The following MIB1 variants were observed in gnomAD, a reference collection of about 807,000 sequenced individuals.
MIB1 encodes MIB E3 ubiquitin protein ligase 1.
A neutral mutation model predicts 124.5 loss-of-function variants in MIB1; 278 were observed. The observed-to-expected ratio is 2.23, with a 90% CI of 2.02 to 2.47. The LOEUF is 2.47. MIB1 is among the 30% of genes most tolerant of loss of function. The probability of loss-of-function intolerance (pLI) is 0.00; values close to 1 mark genes in which losing one functional copy is unlikely to be tolerated. For missense variants in MIB1, 957 were observed against 1,254.4 expected (o/e 0.76, Z 3.58); for synonymous variants, 446 against 429.4 (o/e 1.04, Z -0.48).
chr18:21,834,227 T>C (rs1474295473), intron 12 of MIB1, among the ~76,000 whole-genome samples: 2 of 152,192 alleles, frequency 1.3e-5, no homozygotes, highest in Non-Finnish European at 2.9e-5. Context: ...GACCAGAAAC[T>C]GTTTTGCTTA....
chr18:21,790,807 A>T (rs1318707731), intron 6 of MIB1, among the ~76,000 whole-genome samples: 1 of 152,270 alleles, frequency 6.6e-6, no homozygotes, highest in African/African-American at 2.4e-5. Flanking sequence ...ACAGTTTTGA[A>T]AACATGCAGG....
At position 21,791,811 on chromosome 18, in the gene MIB1, A is replaced by C. The variant is rs147938931; in HGVS notation, c.1092+254A>C. Reference sequence around the variant, plus strand: ...TTATTGGAGAATGTTGTGTGGTGCAAGTCAGCAGTGGTTTTTCTGATACTT... The same window carrying C: ...TTATTGGAGAATGTTGTGTGGTGCACGTCAGCAGTGGTTTTTCTGATACTT... On this transcript the variant is annotated intron_variant, in intron 7 of 20. Coordinates refer to ENST00000261537, the MANE Select transcript of MIB1 (RefSeq NM_020774.4). Among the ~76,000 whole-genome samples the C allele has an allele frequency of 5.0e-3, 767 of 152,218 alleles. 7 individuals are homozygous for C. Among genetic ancestry groups the C allele is most frequent in the African/African-American group, 0.017 (716 of 41,522 alleles).
chr18:21,795,077 A>G (rs1321471929), intron 7 of MIB1, among the ~76,000 whole-genome samples: 2 of 151,692 alleles, frequency 1.3e-5, no homozygotes, highest in Non-Finnish European at 1.5e-5. Context: ...ATGTTCTAAC[A>G]ATGTAAATTT....
chr18:21,828,535 A>C (rs2041947968), intron 12 of MIB1: 1 of 152,044 alleles, frequency 6.6e-6, no homozygotes, highest in Admixed American at 6.6e-5. Context: ...AATGAGAAGA[A>C]ATAGCTTATT....
At chr18:21,807,158 C>T (rs997450488) in intron 10 of MIB1, among the ~76,000 whole-genome samples, 1 of 152,122 alleles carries the variant, frequency 6.6e-6, no homozygotes, top group Non-Finnish European at 1.5e-5. Context: ...CGGCCAAATG[C>T]ACTGATTCAC....
At chr18:21,707,241 A>G (rs1394287227) in intron 1 of MIB1, among the ~76,000 whole-genome samples, 5 of 152,172 alleles carry the variant, frequency 3.3e-5, no homozygotes, top group African/African-American at 9.7e-5. Flanking sequence ...TGCACCAATC[A>G]GTGCTCTGTG....
At chr18:21,746,392 T>TA (rs1252682337) in intron 1 of MIB1, among the ~76,000 whole-genome samples, 1 of 152,206 alleles carries the variant, frequency 6.6e-6, no homozygotes, top group Admixed American at 6.5e-5. Context: ...CTAGGATAGT[T>TA]AAACTTTGCA....
intron 7 of MIB1, among the ~76,000 whole-genome samples, chr18:21,791,839 C>A (rs2041508061): frequency 1.3e-5 from 2 of 152,050 alleles, no homozygotes; most frequent in Non-Finnish European, 2.9e-5. Flanking sequence ...TGATACTTAA[C>A]CCCAGAATGA....
At chr18:21,825,611 A>G in intron 12 of MIB1, 1 of 471,906 alleles carries the variant, frequency 2.1e-6, no homozygotes, top group Admixed American at 2.4e-5. Context: ...TTTGATTATA[A>G]TCACAGTCTG....
intron 10 of MIB1, among the ~76,000 whole-genome samples, chr18:21,804,655 CTTATT>C (rs1177123072): frequency 6.6e-6 from 1 of 152,082 alleles, no homozygotes; most frequent in Non-Finnish European, 1.5e-5. Flanking sequence ...TTGAATCACA[CTTATT>C]TTAGTATAGT....
At chr18:21,843,925 A>G (rs1372871274) in intron 14 of MIB1, among the ~76,000 whole-genome samples, 167 bp from the exon 15 acceptor site, 3 of 152,196 alleles carry the variant, frequency 2.0e-5, no homozygotes, top group African/African-American at 7.2e-5. Context: ...GACTCTTTGT[A>G]AGGAGCCACA....
chr18:21,730,045 C>G (rs1237461282), intron 1 of MIB1, among the ~76,000 whole-genome samples: 2 of 152,208 alleles, frequency 1.3e-5, no homozygotes, highest in Non-Finnish European at 2.9e-5. Flanking sequence ...GGATCAAGAA[C>G]TAGCCATCTA....
At position 21,772,930 on chromosome 18, in the gene MIB1, A is replaced by G. The variant is rs1475298113; in HGVS notation, c.532-694A>G. ...TATCTTGAATCATTTTGGGTATTTTACAGAGATTTTAAATTTCATATTGAG... is the reference window on the plus strand; with the variant it reads ...TATCTTGAATCATTTTGGGTATTTTGCAGAGATTTTAAATTTCATATTGAG... On this transcript the variant is annotated intron_variant, in intron 3 of 20. Transcript: ENST00000261537. Among the ~76,000 whole-genome samples, 3 of 152,190 alleles carry G rather than the reference A, an allele frequency of 2.0e-5. No individual in the cohort carries two copies. In the East Asian group the frequency reaches 5.8e-4, roughly 29 times the overall value.
At chr18:21,750,472 C>T (rs1406198375) in intron 1 of MIB1, among the ~76,000 whole-genome samples, 4 of 152,242 alleles carry the variant, frequency 2.6e-5, no homozygotes, top group Non-Finnish European at 5.9e-5. Context: ...GGATTACAGG[C>T]GCATGCCACC....
At position 21,768,746 on chromosome 18, in the gene MIB1, G is replaced by A. The variant is rs779373832; in HGVS notation, c.525G>A (p.Arg175=). 3 of 1,610,096 alleles carry A rather than the reference G, an allele frequency of 1.9e-6. No homozygotes were observed. The South Asian group carries it at 3.3e-5, about 18-fold the overall frequency. The change falls in exon 3 of 21, where the codon AGG becomes AGA. Residue 175 remains arginine, a synonymous_variant. Coordinates refer to ENST00000261537, the MANE Select transcript of MIB1 (RefSeq NM_020774.4). The part of the protein sequence containing the change: ...WEDQDGGNGR[R]GKVTEIQDWS... ...ATCAAGATGGAGGAAATGGACGTAGGGGAAAGGTACAGTGTTTCTCTGAAT... is the reference window on the plus strand; with the variant it reads ...ATCAAGATGGAGGAAATGGACGTAGAGGAAAGGTACAGTGTTTCTCTGAAT...
At chr18:21,795,293 A>T (rs1048660935) in intron 7 of MIB1, among the ~76,000 whole-genome samples, 3 of 132,754 alleles carry the variant, frequency 2.3e-5, no homozygotes, top group African/African-American at 1.0e-4. Context: ...ATATGTATAT[A>T]TATAATATAT....
chr18:21,834,046 C>T (rs186341890), intron 12 of MIB1, among the ~76,000 whole-genome samples: 10 of 152,246 alleles, frequency 6.6e-5, no homozygotes, highest in South Asian at 4.1e-4. Flanking sequence ...AGTAACTCTA[C>T]GGACCTCAGT....
upstream of MIB1, among the ~76,000 whole-genome samples, chr18:21,739,563 C>G (rs1014525938): frequency 6.6e-6 from 1 of 152,096 alleles, no homozygotes; most frequent in African/African-American, 2.4e-5. Context: ...TACTAGCAAA[C>G]AGAAGCCAGT....
At position 21,779,661 on chromosome 18, in the gene MIB1, T is replaced by C; in HGVS notation, c.884T>C (p.Val295Ala). 2 of 1,614,068 alleles carry C rather than the reference T, an allele frequency of 1.2e-6. No homozygotes were observed. Among genetic ancestry groups the C allele is most frequent in the South Asian group, 1.1e-5 (1 of 91,080 alleles). ...VCGIDEDHDI[V>A]VQYPSGNRWT... Reference sequence around the variant, plus strand: ...GGCATTGATGAAGATCATGACATTGTAGTACAGTATCCAAGTGGCAATAGG... The same window carrying C: ...GGCATTGATGAAGATCATGACATTGCAGTACAGTATCCAAGTGGCAATAGG... The change falls in exon 6 of 21, where the codon GTA (valine) becomes GCA (alanine). Residue 295 changes from valine (V) to alanine (A), a missense_variant. Physicochemically the swap from Val to Ala is moderately conservative, Grantham distance 64. Coordinates refer to ENST00000261537, the MANE Select transcript of MIB1 (RefSeq NM_020774.4).
Sources: allele counts gnomAD v4.1 joint callset (sites outside exome capture counted in the v4.1 genomes callset), GRCh38; gene constraint gnomAD v4.1.1; transcripts MANE v1.5; gene names NCBI Gene and HGNC (gene_info 2026-07-23, HGNC 2026-07-21).